UNC13C: variants seen among roughly 807,000 people sequenced by gnomAD.
The protein encoded by UNC13C is protein unc-13 homolog C.
A neutral mutation model predicts 245.4 loss-of-function variants in UNC13C; 174 were observed. The ratio of observed to expected loss-of-function variants is 0.71; its 90% CI spans 0.63 to 0.80. The LOEUF is 0.80. Ranked by LOEUF, UNC13C falls within the 30% of genes least tolerant of loss-of-function variation. UNC13C has a pLI of 0.00. For missense variants in UNC13C, 2,829 were observed against 2,602.9 expected (o/e 1.09, Z -1.89); for synonymous variants, 992 against 895.1 (o/e 1.11, Z -1.93).
chr15:54,532,494 G>A (rs551171589), intron 25 of UNC13C, among the ~76,000 whole-genome samples: 2 of 152,198 alleles, frequency 1.3e-5, no homozygotes, highest in African/African-American at 4.8e-5. Context: ...ATACTATTCA[G>A]CCAAAAAAAG....
intron 4 of UNC13C, among the ~76,000 whole-genome samples, chr15:54,191,279 T>C (rs370604589): frequency 1.3e-5 from 2 of 152,144 alleles, no homozygotes; most frequent in South Asian, 4.1e-4. Flanking sequence ...CAATTCCCAC[T>C]TATGAGTGAG....
chr15:54,039,752 G>A (rs1367839745), intron 2 of UNC13C, among the ~76,000 whole-genome samples: 2 of 152,056 alleles, frequency 1.3e-5, no homozygotes, highest in Non-Finnish European at 2.9e-5. Flanking sequence ...CTATTAGGAT[G>A]TAACTGTTTC....
intron 19 of UNC13C, among the ~76,000 whole-genome samples, chr15:54,487,779 AAAAAAAAAAAGACAGAGAG>A (rs1322422776): frequency 1.0e-5 from 1 of 98,454 alleles, no homozygotes; most frequent in African/African-American, 3.6e-5. Flanking sequence ...AAAAAAAAAA[AAAAAAAAAAAGACAGAGAG>A]AGAGAAAAGA....
intron 26 of UNC13C, among the ~76,000 whole-genome samples, chr15:54,543,534 T>C (rs1167890125): frequency 6.6e-6 from 1 of 151,438 alleles, no homozygotes; most frequent in East Asian, 1.9e-4. Context: ...TAATAAAAAT[T>C]GATAGACTAC....
At chr15:54,125,673 AT>A (rs768987586) in intron 2 of UNC13C, among the ~76,000 whole-genome samples, 20 of 152,102 alleles carry the variant, frequency 1.3e-4, no homozygotes, top group Non-Finnish European at 2.6e-4. Context: ...ATATTTGTGT[AT>A]TTGTTTATTT....
intron 26 of UNC13C, among the ~76,000 whole-genome samples, chr15:54,540,632 C>A (rs2141165627): frequency 6.6e-6 from 1 of 152,180 alleles, no homozygotes; most frequent in Admixed American, 6.6e-5. Flanking sequence ...TGTATAAGCT[C>A]TTTTTGTCTT....
At chr15:53,935,744 A>G in the UNC13C span, among the ~76,000 whole-genome samples, 22 of 152,254 alleles carry the variant, frequency 1.4e-4, no homozygotes, top group Non-Finnish European at 2.8e-4. Context: ...CTCAGCCAAG[A>G]TAGGTGGTGA....
chr15:54,297,677 G>A (rs2037471781), intron 11 of UNC13C, 134 bp from the exon 12 acceptor site: 2 of 688,176 alleles, frequency 2.9e-6, no homozygotes, highest in African/African-American at 1.8e-5. Flanking sequence ...TTAATAAGCA[G>A]CTCTGACTCA....
intron 2 of UNC13C, among the ~76,000 whole-genome samples, chr15:54,139,149 G>A (rs540769421): frequency 1.3e-5 from 2 of 151,242 alleles, no homozygotes; most frequent in Non-Finnish European, 3.0e-5. Context: ...TAGTAGAGAC[G>A]GGGTTTCACC....
At chr15:54,303,931 T>G (rs545294627) in intron 13 of UNC13C, among the ~76,000 whole-genome samples, 2 of 152,218 alleles carry the variant, frequency 1.3e-5, no homozygotes, top group Non-Finnish European at 1.5e-5. Context: ...TTCAAAAATA[T>G]TTTGAATATT....
intron 13 of UNC13C, among the ~76,000 whole-genome samples, chr15:54,301,471 A>G (rs1224596784): frequency 2.0e-5 from 3 of 151,884 alleles, no homozygotes; most frequent in Non-Finnish European, 2.9e-5. Flanking sequence ...CCGGTGTGTG[A>G]TGTTCCCCGC....
intron 2 of UNC13C, among the ~76,000 whole-genome samples, chr15:54,081,163 G>A (rs1411806335): frequency 2.0e-5 from 3 of 152,000 alleles, no homozygotes; most frequent in Admixed American, 6.6e-5. Flanking sequence ...TTTGTGGTCT[G>A]ATAATATGCT....
the UNC13C span, among the ~76,000 whole-genome samples, chr15:53,870,417 T>C: frequency 6.6e-6 from 1 of 150,712 alleles, no homozygotes; most frequent in South Asian, 2.1e-4. Context: ...CTGTCCTTTT[T>C]CCTTCCCACC....
In UNC13C at chr15:54,561,507, A is replaced by G. The variant is rs1043305585; in HGVS notation, c.5958+5995A>G. ...AGGAAGACTCATGACATGAACATCA[A>G]CAGGAAAAAGGAATTTCACCAGGGA... On this transcript the variant is annotated intron_variant, in intron 29 of 32. Transcript: ENST00000260323. 3.3e-5 allele frequency among the ~76,000 whole-genome samples: 5 copies of G among 151,974 alleles called. No homozygotes were observed. In the East Asian group the frequency reaches 9.7e-4, roughly 29 times the overall value.
At chr15:54,590,484 C>T (rs1391005666) in intron 30 of UNC13C, among the ~76,000 whole-genome samples, 1 of 152,014 alleles carries the variant, frequency 6.6e-6, no homozygotes, top group Non-Finnish European at 1.5e-5. Context: ...AGTAGTTTTC[C>T]TTGCAGAGGT....
intron 1 of UNC13C, among the ~76,000 whole-genome samples, chr15:54,003,013 G>A (rs376801028): frequency 7.3e-5 from 11 of 151,536 alleles, no homozygotes; most frequent in African/African-American, 1.9e-4. Flanking sequence ...TTCATGCTGT[G>A]TACAATTTGA....
At chr15:54,498,282 C>T (rs1430635761) in intron 20 of UNC13C, among the ~76,000 whole-genome samples, 1 of 152,010 alleles carries the variant, frequency 6.6e-6, no homozygotes, top group Non-Finnish European at 1.5e-5. Flanking sequence ...TAGACTGCCT[C>T]CTGAGCCATA....
chr15:54,507,564 T>C (rs551656446), intron 23 of UNC13C, among the ~76,000 whole-genome samples: 1 of 152,134 alleles, frequency 6.6e-6, no homozygotes, highest in Non-Finnish European at 1.5e-5. Context: ...CAAATAAGTG[T>C]AATTTAGTCT....
intron 26 of UNC13C, among the ~76,000 whole-genome samples, chr15:54,536,848 T>C (rs1896003738): frequency 6.6e-6 from 1 of 151,996 alleles, no homozygotes; most frequent in Admixed American, 6.6e-5. Context: ...ATAAGAACCA[T>C]CTATGACAAA....
Sources: allele counts gnomAD v4.1 joint callset (sites outside exome capture counted in the v4.1 genomes callset), GRCh38; gene constraint gnomAD v4.1.1; transcripts MANE v1.5; gene names NCBI Gene and HGNC (gene_info 2026-07-23, HGNC 2026-07-21).